The following PCDHGA6 variants were observed in gnomAD, a reference collection of about 807,000 sequenced individuals.
The protein encoded by PCDHGA6 is protocadherin gamma-A6.
Under a neutral mutation model 60.6 loss-of-function variants are expected in PCDHGA6, and 41 were observed. That is an observed-to-expected ratio of 0.68 (90% CI 0.53 to 0.88). PCDHGA6 has a LOEUF of 0.88. PCDHGA6 is among the 40% of genes least tolerant of loss of function. PCDHGA6 has a pLI of 0.00. For missense variants in PCDHGA6, 1,312 were observed against 1,203.0 expected (o/e 1.09, Z -1.34); for synonymous variants, 594 against 524.4 (o/e 1.13, Z -1.81).
chr5:141,486,278 G>A lies in PCDHGA6; in HGVS notation c.2425-8529G>A. The A allele has an allele frequency of 1.2e-6, 2 of 1,614,088 alleles. No individual in the cohort carries two copies. Among genetic ancestry groups the A allele is most frequent in the South Asian group, 2.2e-5 (2 of 91,068 alleles). On this transcript the variant is annotated intron_variant, in intron 1 of 3. Transcript: ENST00000517434. This position sits in a 1 kb window ranked among gnomAD's most constrained non-coding sequence, Gnocchi z 5.0. The stretch of plus-strand genomic sequence containing the variant: ...CGAGAGTGCAGAACCTGGCACTGTG[G>A]TGGCACTTATCAGTGTGCAGGATCC...
At chr5:141,408,947 ATTAGTC>A in intron 1 of PCDHGA6, 6 of 1,613,666 alleles carry the variant, frequency 3.7e-6, no homozygotes, top group Non-Finnish European at 5.1e-6. Context: ...CGAATATAGA[ATTAGTC>A]TTAGTGAAAA....
intron 1 of PCDHGA6, chr5:141,420,280 T>C: frequency 6.6e-7 from 1 of 1,513,274 alleles, no homozygotes; most frequent in Non-Finnish European, 8.9e-7. Context: ...AACAGGTAAG[T>C]ATTTAAAAAT....
intron 1 of PCDHGA6, chr5:141,414,638 A>G: frequency 6.2e-7 from 1 of 1,613,988 alleles, no homozygotes; most frequent in Non-Finnish European, 8.5e-7. Flanking sequence ...AGCAAAGAGA[A>G]TGCCCAGATT....
intron 1 of PCDHGA6, among the ~76,000 whole-genome samples, chr5:141,455,423 CA>C (rs2098822271): frequency 6.6e-6 from 1 of 152,040 alleles, no homozygotes; most frequent in Non-Finnish European, 1.5e-5. Flanking sequence ...AGCGGGGCTC[CA>C]AAAGAGGAGG....
intron 1 of PCDHGA6, among the ~76,000 whole-genome samples, chr5:141,474,379 T>A (rs1451968368): frequency 6.6e-6 from 1 of 152,208 alleles, no homozygotes; most frequent in Non-Finnish European, 1.5e-5. Flanking sequence ...GAGGAGGGCA[T>A]TTCTGCATTT....
chr5:141,414,785 C>A, intron 1 of PCDHGA6: 1 of 1,614,232 alleles, frequency 6.2e-7, no homozygotes, highest in Non-Finnish European at 8.5e-7. Context: ...ATGCAGGTGA[C>A]AGCCAGCGAC....
At position 141,491,093 on chromosome 5, in the gene PCDHGA6, T is replaced by G; in HGVS notation, c.2425-3714T>G. The G allele has an allele frequency of 6.2e-7, 1 of 1,614,160 alleles. No individual in the cohort carries two copies. The highest frequency in any genetic ancestry group is 8.5e-7 in the Non-Finnish European group (1 of 1,180,008). On this transcript the variant is annotated intron_variant, in intron 1 of 3. Transcript: ENST00000517434. This position sits in a 1 kb window ranked among gnomAD's most constrained non-coding sequence, Gnocchi z 6.9. ...TTGCCACAGTCCACAGCCCCAGGAC[T>G]GTTCCTCGTGTCTACACACACTGGT... is the stretch of plus-strand genomic sequence containing the variant.
intron 1 of PCDHGA6, chr5:141,376,734 C>T (rs1773305109): frequency 5.7e-6 from 3 of 526,518 alleles, no homozygotes; most frequent in South Asian, 4.6e-5. Context: ...GGCCGGACTG[C>T]GGACTGCAGT....
At chr5:141,443,481 G>C (rs1025329476) in intron 1 of PCDHGA6, among the ~76,000 whole-genome samples, 3 of 152,114 alleles carry the variant, frequency 2.0e-5, no homozygotes, top group African/African-American at 7.2e-5. Context: ...ATTAGACCCT[G>C]TCCCAAAACA....
At chr5:141,383,175 G>A in intron 1 of PCDHGA6, 1 of 1,614,114 alleles carries the variant, frequency 6.2e-7, no homozygotes, top group Non-Finnish European at 8.5e-7. Flanking sequence ...GGATAGACCG[G>A]GAAGAGATCT....
At chr5:141,437,338 C>T (rs1328789308) in intron 1 of PCDHGA6, among the ~76,000 whole-genome samples, 1 of 152,196 alleles carries the variant, frequency 6.6e-6, no homozygotes, top group Non-Finnish European at 1.5e-5. Flanking sequence ...TGTAGCTTCA[C>T]TGTTTTATAG....
chr5:141,400,439 C>T, intron 1 of PCDHGA6: 1 of 1,614,056 alleles, frequency 6.2e-7, no homozygotes. Context: ...CAATTGAGTT[C>T]AGGACAAGAC....
intron 1 of PCDHGA6, 33 bp from the exon 2 acceptor site, chr5:141,494,774 T>C (rs1462930792): frequency 6.2e-7 from 1 of 1,613,860 alleles, no homozygotes; most frequent in African/African-American, 1.3e-5. Flanking sequence ...TTCTCACGGG[T>C]ACTCAGCCCC....
Position 141,477,653 on chromosome 5 carries a change from A to C in PCDHGA6, c.2425-17154A>C. ...GCTAGTGGGTCGCTATTTCACAATA[A>C]ATCGTGACAATGGCATAGTGTCATC... On this transcript the variant is annotated intron_variant, in intron 1 of 3. Transcript: ENST00000517434. The surrounding 1 kb of genome is among the most constrained non-coding windows in gnomAD (Gnocchi z 4.9). The C allele has an allele frequency of 1.2e-6, 2 of 1,614,204 alleles. No individual in the cohort carries two copies. Among genetic ancestry groups the C allele is most frequent in the Non-Finnish European group, 1.7e-6 (2 of 1,180,036 alleles).
chr5:141,487,475 C>A lies in PCDHGA6; in HGVS notation c.2425-7332C>A. 6.2e-7 allele frequency: 1 copy of A among 1,614,156 alleles called. No individual in the cohort carries two copies. The highest frequency in any genetic ancestry group is 8.5e-7 in the Non-Finnish European group (1 of 1,180,032). On this transcript the variant is annotated intron_variant, in intron 1 of 3. Transcript: ENST00000517434. This position sits in a 1 kb window ranked among gnomAD's most constrained non-coding sequence, Gnocchi z 5.0. ...TATCAAGTTTGTTGATGTGGGAGGC[C>A]ACTCTCATGGCTGTACACCCTTGGC...
Position 141,456,055 on chromosome 5 carries a change from G to A in PCDHGA6, c.2425-38752G>A, listed in dbSNP as rs78682041. On this transcript the variant is annotated intron_variant, in intron 1 of 3. Coordinates refer to ENST00000517434, the MANE Select transcript of PCDHGA6 (RefSeq NM_018919.3). Reference sequence around the variant, plus strand: ...TGGGACTACAGGCGCCCACCACCACGTCCGGCTAATTTTTTGTATTTTCAG... The same window carrying A: ...TGGGACTACAGGCGCCCACCACCACATCCGGCTAATTTTTTGTATTTTCAG... Among the ~76,000 whole-genome samples, 302 of 151,836 alleles carry A rather than the reference G, an allele frequency of 2.0e-3. 1 individual carries two copies. The highest frequency in any genetic ancestry group is 0.01 in the Middle Eastern group (3 of 292).
intron 1 of PCDHGA6, chr5:141,422,697 C>T (rs1406213402): frequency 3.7e-6 from 6 of 1,603,284 alleles, no homozygotes; most frequent in South Asian, 1.1e-5. Flanking sequence ...TGGTCACTTA[C>T]TCTCTGACGG....
rs1462148828 is a variant in PCDHGA6 at position 141,392,863 on chromosome 5, G to A, written c.2424+16356G>A. On this transcript the variant is annotated intron_variant, in intron 1 of 3. Transcript: ENST00000517434. ...AGACGCGGCGAGCTGATCCTGCTGT[G>A]CGCGCTGCTGGGAACGCTGTGGGAA... 3 of 1,612,774 alleles carry A rather than the reference G, an allele frequency of 1.9e-6. No individual in the cohort carries two copies. Among genetic ancestry groups the A allele is most frequent in the African/African-American group, 2.7e-5 (2 of 74,930 alleles).
At chr5:141,404,360 TC>T (rs780435528) in intron 1 of PCDHGA6, 1 of 1,613,900 alleles carries the variant, frequency 6.2e-7, no homozygotes. Context: ...CAGAGGTACT[TC>T]CATCTTCTCC....
Sources: allele counts gnomAD v4.1 joint callset (sites outside exome capture counted in the v4.1 genomes callset), GRCh38; gene constraint gnomAD v4.1.1; non-coding constraint Gnocchi (gnomAD v3.1); transcripts MANE v1.5; gene names NCBI Gene and HGNC (gene_info 2026-07-23, HGNC 2026-07-21).